PPP2CB: variants seen among roughly 807,000 people sequenced by gnomAD.
The protein encoded by PPP2CB is protein phosphatase 2 catalytic subunit beta.
A neutral mutation model predicts 39.1 loss-of-function variants in PPP2CB; 18 were observed. The ratio of observed to expected loss-of-function variants is 0.46; its 90% CI spans 0.32 to 0.68. The LOEUF is 0.68. Among genes scored for constraint, PPP2CB ranks in the 30% least tolerant of loss-of-function variants. PPP2CB has a pLI of 0.04. For synonymous variants in PPP2CB, 129 were observed against 133.8 expected, an observed-to-expected ratio of 0.96 and a Z score of 0.25; for missense variants, 226 against 396.9, an observed-to-expected ratio of 0.57 and a Z score of 3.66.
chr8:30,795,119 A>ATT (rs893547625), intron 3 of PPP2CB, among the ~76,000 whole-genome samples: 126 of 127,458 alleles, frequency 9.9e-4, no homozygotes, highest in African/African-American at 1.8e-3. Context: ...TCTGATTTTG[A>ATT]TTTTTTTTTT....
At chr8:30,810,036 G>A (rs936645705) in intron 1 of PPP2CB, 2 of 151,992 alleles carry the variant, frequency 1.3e-5, no homozygotes, top group African/African-American at 4.8e-5. Context: ...AGGAGCCGAA[G>A]TAAAAATAAT....
intron 1 of PPP2CB, among the ~76,000 whole-genome samples, chr8:30,800,195 A>T (rs1179096369): frequency 6.6e-6 from 1 of 152,270 alleles, no homozygotes; most frequent in Non-Finnish European, 1.5e-5. Flanking sequence ...ACATATTCAT[A>T]CAATGGAATA....
intron 1 of PPP2CB, among the ~76,000 whole-genome samples, chr8:30,807,582 G>A (rs1806744670): frequency 6.6e-6 from 1 of 152,182 alleles, no homozygotes; most frequent in African/African-American, 2.4e-5. Flanking sequence ...AGATCTGCCA[G>A]CACACACATT....
intron 1 of PPP2CB, among the ~76,000 whole-genome samples, chr8:30,804,014 G>C (rs1806676051): frequency 1.3e-5 from 2 of 152,162 alleles, no homozygotes; most frequent in South Asian, 4.1e-4. Context: ...GTAGAGATGG[G>C]GTTTCACCAC....
At chr8:30,803,050 G>T in intron 1 of PPP2CB, among the ~76,000 whole-genome samples, 1 of 152,210 alleles carries the variant, frequency 6.6e-6, no homozygotes, top group East Asian at 1.9e-4. Flanking sequence ...TGTTTTGGAA[G>T]AAGTGATGCT....
At chr8:30,787,356 T>C (rs1036404765) in intron 6 of PPP2CB, among the ~76,000 whole-genome samples, 3 of 152,224 alleles carry the variant, frequency 2.0e-5, no homozygotes. Context: ...GTTTTTATTT[T>C]TGAGACAGGG....
rs1586120945 is a variant in PPP2CB, at chr8:30,790,956, TGA to T, written c.857+239_857+240del. 1.4e-5 allele frequency: 5 copies of T among 363,566 alleles called. No individual in the cohort carries two copies. In the East Asian group the frequency reaches 3.1e-4, roughly 22 times the overall value. The allele number at this position is 363,566 out of a possible 1,614,324, so 22.5% of individuals were successfully genotyped here. A position where few individuals can be genotyped will look rare whatever the true frequency, so the allele number is the denominator to read the frequency against. ...TGCCACAGACTACGGCTATTATTAC[TGA>T]GATTTAGTAGGTTTTCTTGAATTAA... On this transcript the variant is annotated intron_variant, in intron 6 of 6. Coordinates refer to ENST00000221138, the MANE Select transcript of PPP2CB (RefSeq NM_001009552.2).
intron 1 of PPP2CB, among the ~76,000 whole-genome samples, chr8:30,809,209 C>T (rs959640488): frequency 4.0e-5 from 6 of 151,802 alleles, no homozygotes; most frequent in Admixed American, 3.3e-4. Flanking sequence ...CCACTGTGCC[C>T]GGCCAATGAA....
intron 1 of PPP2CB, among the ~76,000 whole-genome samples, chr8:30,801,445 T>C (rs775818434): frequency 6.4e-4 from 96 of 150,606 alleles, no homozygotes; most frequent in Non-Finnish European, 1.2e-3. Context: ...GGCAGGAGAA[T>C]ATGACATGAA....
chr8:30,809,714 G>A (rs1026667751), intron 1 of PPP2CB, among the ~76,000 whole-genome samples: 5 of 152,162 alleles, frequency 3.3e-5, no homozygotes, highest in African/African-American at 1.2e-4. Context: ...GCCAAGGCGG[G>A]AGGATCACTT....
intron 1 of PPP2CB, among the ~76,000 whole-genome samples, chr8:30,800,857 G>T (rs1051719234): frequency 6.6e-6 from 1 of 152,140 alleles, no homozygotes; most frequent in Non-Finnish European, 1.5e-5. Context: ...ATGAGAACTG[G>T]GACTAATACA....
rs550514624 is a variant in PPP2CB at position 30,798,520 on chromosome 8, T to C, written c.313-766A>G. Among the ~76,000 whole-genome samples the C allele has an allele frequency of 2.0e-3, 302 of 152,348 alleles. 1 individual carries two copies. Among genetic ancestry groups the C allele is most frequent in the Admixed American group, 3.6e-3 (55 of 15,296 alleles). ...TTTTGTTAACAGATTACATGTACGA[T>C]GTTGGCTGGAGCAAGAGACTATACC... On this transcript the variant is annotated intron_variant, in intron 2 of 6. Transcript: ENST00000221138.
rs556538944 is a variant in PPP2CB at position 30,799,615 on chromosome 8, T to C, written c.243A>G (p.Leu81=). Residue 81 remains leucine (L), a synonymous_variant, in exon 2 of 7, where the codon TTA becomes TTG. Coordinates refer to ENST00000221138, the MANE Select transcript of PPP2CB (RefSeq NM_001009552.2). ...CTCTGTCTACATAGTCACCCATGAATAAGTAGTTTGTATCCGGTGATTTTC... is the reference window on the plus strand; with the variant it reads ...CTCTGTCTACATAGTCACCCATGAACAAGTAGTTTGTATCCGGTGATTTTC... The part of the protein sequence containing the change: ...IGGKSPDTNY[L]FMGDYVDRGY... 3.9e-5 allele frequency: 63 copies of C among 1,614,054 alleles called. No homozygotes were observed. In the South Asian group the frequency reaches 6.9e-4, roughly 18 times the overall value.
chr8:30,791,871 T>C (rs547191315), intron 5 of PPP2CB, among the ~76,000 whole-genome samples: 1 of 151,872 alleles, frequency 6.6e-6, no homozygotes, highest in South Asian at 2.1e-4. Context: ...TATGTATATA[T>C]GTGTGTGCAT....
In PPP2CB at chr8:30,812,769, G is replaced by A. The variant is rs1448698346; in HGVS notation, c.-348C>T. 6.4e-6 allele frequency: 3 copies of A among 468,666 alleles called. No homozygotes were observed. Among genetic ancestry groups the A allele is most frequent in the African/African-American group, 2.0e-5 (1 of 50,602 alleles). 29.0% of individuals were successfully genotyped at this position (468,666 alleles called of 1,614,324 possible). ...CGAAGGCCGCCCGCTGCCGCTTCAG[G>A]CCCGCCTCACGCCTACCGGCCTCTC... On this transcript the variant is annotated 5_prime_UTR_variant, in exon 1 of 7. Coordinates refer to ENST00000221138, the MANE Select transcript of PPP2CB (RefSeq NM_001009552.2).
rs766806072 is a variant in PPP2CB, at chr8:30,793,920, C to T, written c.735G>A (p.Met245Ile). The T allele has an allele frequency of 6.2e-7, 1 of 1,611,478 alleles. No individual in the cohort carries two copies. The highest frequency in any genetic ancestry group is 8.5e-7 in the Non-Finnish European group (1 of 1,179,178). Residue 245 changes from methionine (M) to isoleucine (I), a missense_variant, in exon 5 of 7, where the codon ATG becomes ATA. Physicochemically the swap from Met to Ile is conservative, Grantham distance 10. This residue lies in a region of PPP2CB where 56 missense variants were observed against 92.0 expected (regional missense o/e 0.61). Transcript: ENST00000221138. ...ATTCTGTCAGGAAAGTACATACCTC[C>T]ATTACAAGCTGGTGGGCACGAGAAA... ...TLVSRAHQLV[M>I]EGYNWCHDRN...
chr8:30,787,853 C>T (rs1806369436), intron 6 of PPP2CB, among the ~76,000 whole-genome samples: 1 of 152,168 alleles, frequency 6.6e-6, no homozygotes, highest in Non-Finnish European at 1.5e-5. Flanking sequence ...TAGGTGTGAG[C>T]CACCATGCTG....
Position 30,797,532 on chromosome 8 carries a change from C to T in PPP2CB, c.486+49G>A, listed in dbSNP as rs1397841933. 4 of 1,505,690 alleles carry T rather than the reference C, an allele frequency of 2.7e-6. No individual in the cohort carries two copies. The African/African-American group carries it at 4.2e-5, about 16-fold the overall frequency. 93.3% of individuals were successfully genotyped at this position (1,505,690 alleles called of 1,614,324 possible). On this transcript the variant is annotated intron_variant, in intron 3 of 6. Coordinates refer to ENST00000221138, the MANE Select transcript of PPP2CB (RefSeq NM_001009552.2). ...AGACCCCAGCTTACCAATAGTCAAT[C>T]TCTGCTTCCATTTACCTCCTCCCAA... is the stretch of plus-strand genomic sequence containing the variant.
At chr8:30,797,019 T>A (rs1318116077) in intron 3 of PPP2CB, among the ~76,000 whole-genome samples, 3 of 125,690 alleles carry the variant, frequency 2.4e-5, no homozygotes, top group African/African-American at 7.4e-5. Flanking sequence ...AATTTTTAAA[T>A]TTTTTTTTTT....
Sources: gnomAD v4.1 joint callset for allele counts (sites outside exome capture counted in the v4.1 genomes callset) on GRCh38, gnomAD v4.1.1 for gene constraint, gnomAD v4.1.1 regional missense constraint, MANE v1.5 for transcripts, NCBI Gene and HGNC (gene_info 2026-07-23, HGNC 2026-07-21) for gene names.